Variants in CFAP221 observed in about 807,000 individuals in gnomAD.
The protein encoded by CFAP221 is cilia- and flagella-associated protein 221.
CFAP221 carries 97 observed loss-of-function variants against 113.1 expected under a neutral mutation model. That is an observed-to-expected ratio of 0.86 (90% CI 0.73 to 1.02). CFAP221 has a LOEUF of 1.02. Ranked by LOEUF, CFAP221 falls within the 50% of genes least tolerant of loss-of-function variation. CFAP221 has a pLI of 0.00. For synonymous variants in CFAP221, 331 were observed against 354.4 expected, an observed-to-expected ratio of 0.93 and a Z score of 0.74; for missense variants, 1,025 against 1,013.4, an observed-to-expected ratio of 1.01 and a Z score of -0.16.
At chr2:119,583,395 C>CTTTTT (rs375405686) in intron 6 of CFAP221, among the ~76,000 whole-genome samples, 1 of 123,314 alleles carries the variant, frequency 8.1e-6, no homozygotes, top group African/African-American at 3.1e-5. Context: ...GAAATAGTCT[C>CTTTTT]TTTTTTTTTT....
At chr2:119,579,023 T>C (rs2104591857) in intron 6 of CFAP221, among the ~76,000 whole-genome samples, 1 of 152,296 alleles carries the variant, frequency 6.6e-6, no homozygotes, top group Non-Finnish European at 1.5e-5. Context: ...TTCCACATGA[T>C]TGTAATATAA....
chr2:119,585,128 A>G (rs779139171), intron 6 of CFAP221, among the ~76,000 whole-genome samples: 3 of 152,256 alleles, frequency 2.0e-5, no homozygotes, highest in Non-Finnish European at 4.4e-5. Flanking sequence ...AGAGCTTTAC[A>G]TATATCCATG....
At chr2:119,566,180 G>A (rs1198507740) in intron 6 of CFAP221, among the ~76,000 whole-genome samples, 1 of 152,160 alleles carries the variant, frequency 6.6e-6, no homozygotes, top group African/African-American at 2.4e-5. Flanking sequence ...AATTTGACTA[G>A]AAATGAGCCA....
intron 7 of CFAP221, among the ~76,000 whole-genome samples, chr2:119,593,905 A>G (rs1574081279): frequency 6.6e-6 from 1 of 152,108 alleles, no homozygotes; most frequent in East Asian, 1.9e-4. Flanking sequence ...AACTCAGTGC[A>G]AGAACTCACT....
intron 7 of CFAP221, among the ~76,000 whole-genome samples, chr2:119,594,821 T>C (rs973781129): frequency 6.6e-6 from 1 of 152,180 alleles, no homozygotes; most frequent in Non-Finnish European, 1.5e-5. Context: ...GTAGATTCCA[T>C]TATTCTGTCC....
downstream of CFAP221, among the ~76,000 whole-genome samples, chr2:119,659,205 T>A (rs1224624261): frequency 1.3e-5 from 2 of 152,204 alleles, no homozygotes; most frequent in African/African-American, 2.4e-5. Context: ...CTAACACATC[T>A]CCTTGCGAGA....
At chr2:119,602,930 G>A (rs780949906) in intron 8 of CFAP221, among the ~76,000 whole-genome samples, 2 of 152,256 alleles carry the variant, frequency 1.3e-5, no homozygotes, top group Middle Eastern at 3.4e-3. Context: ...GCAGGTGTAC[G>A]CTATTTCTAA....
At chr2:119,577,407 A>AAAATGCCTCT (rs1285952049) in intron 6 of CFAP221, among the ~76,000 whole-genome samples, 1 of 152,222 alleles carries the variant, frequency 6.6e-6, no homozygotes, top group African/African-American at 2.4e-5. Context: ...AATGCCCTCT[A>AAAATGCCTCT]AAAAGCTTAA....
chr2:119,655,796 A>G (rs1688395240), intron 23 of CFAP221, among the ~76,000 whole-genome samples: 1 of 151,682 alleles, frequency 6.6e-6, no homozygotes, highest in Non-Finnish European at 1.5e-5. Context: ...GCACCCATCA[A>G]TTGATAGCCT....
chr2:119,630,526 T>C lies in CFAP221; in HGVS notation c.1732-44T>C, dbSNP rs1406562521. 2.1e-6 allele frequency: 3 copies of C among 1,460,726 alleles called. No individual in the cohort carries two copies. In the East Asian group the frequency reaches 6.8e-5, roughly 33 times the overall value. The allele number at this position is 1,460,726 out of a possible 1,614,324, so 90.5% of individuals were successfully genotyped here. A position where few individuals can be genotyped will look rare whatever the true frequency, so the allele number is the denominator to read the frequency against. ...TTGTTGAGAAGTAGATCCCACCAAA[T>C]GGTAACAGGTTTTTAAGGATTTTCA... On this transcript the variant is annotated intron_variant, in intron 17 of 23. Transcript: ENST00000413369.
At chr2:119,559,650 G>T (rs1388423957) in intron 3 of CFAP221, 39 bp from the exon 4 acceptor site, 1 of 1,439,736 alleles carries the variant, frequency 6.9e-7, no homozygotes, top group African/African-American at 1.4e-5. Context: ...TGCAAATAAA[G>T]CCGTGTATTT....
intron 15 of CFAP221, 135 bp from the exon 16 acceptor site, chr2:119,627,518 G>GATATAT (rs57740311): frequency 2.7e-5 from 13 of 477,892 alleles, no homozygotes; most frequent in African/African-American, 2.1e-4. Context: ...AGTAAAAGTG[G>GATATAT]ATATATATAT....
intron 14 of CFAP221, among the ~76,000 whole-genome samples, chr2:119,620,372 A>G (rs1004380914): frequency 1.3e-5 from 2 of 152,246 alleles, no homozygotes; most frequent in Non-Finnish European, 2.9e-5. Context: ...AGGGAAGCCC[A>G]TCAGACCAAC....
At chr2:119,622,305 A>G (rs1685987097) in intron 14 of CFAP221, among the ~76,000 whole-genome samples, 1 of 152,226 alleles carries the variant, frequency 6.6e-6, no homozygotes. Context: ...CACCCTCCCA[A>G]GACTAAATCA....
At chr2:119,605,032 A>G (rs1372760603) in intron 10 of CFAP221, 45 bp downstream of exon 10, 4 of 1,567,546 alleles carry the variant, frequency 2.6e-6, no homozygotes, top group Middle Eastern at 1.7e-4. Flanking sequence ...GCAGAATATG[A>G]AAGAGTCATT....
At chr2:119,605,538 TG>T (rs974301749) in intron 11 of CFAP221, among the ~76,000 whole-genome samples, 4 of 152,218 alleles carry the variant, frequency 2.6e-5, no homozygotes, top group African/African-American at 9.6e-5. Context: ...TGCTCCCTGC[TG>T]CTGCTGGCAC....
At chr2:119,652,206 T>A (rs551120835) in intron 23 of CFAP221, 137 bp downstream of exon 23, 1 of 565,182 alleles carries the variant, frequency 1.8e-6, no homozygotes, top group East Asian at 3.1e-5. Flanking sequence ...GCTTCATATA[T>A]TTAGATGTGT....
chr2:119,625,887 T>A, intron 15 of CFAP221, 199 bp downstream of exon 15: 1 of 559,806 alleles, frequency 1.8e-6, no homozygotes, highest in Non-Finnish European at 3.2e-6. Flanking sequence ...TCATCATTTA[T>A]ACTTGCTGAT....
At chr2:119,571,633 T>A (rs1682066316) in intron 6 of CFAP221, among the ~76,000 whole-genome samples, 1 of 151,952 alleles carries the variant, frequency 6.6e-6, no homozygotes, top group African/African-American at 2.4e-5. Flanking sequence ...TTTTTTGTAT[T>A]TTTTGGTGGA....
Sources: gnomAD v4.1 joint callset for allele counts (sites outside exome capture counted in the v4.1 genomes callset) on GRCh38, gnomAD v4.1.1 for gene constraint, MANE v1.5 for transcripts, NCBI Gene and HGNC (gene_info 2026-07-23, HGNC 2026-07-21) for gene names.